Variants in WDR43 observed in about 807,000 individuals in gnomAD.
WDR43 encodes WD repeat domain 43.
Under a neutral mutation model 91.4 loss-of-function variants are expected in WDR43, and 13 were observed. The observed-to-expected ratio is 0.14, with a 90% CI of 0.09 to 0.23. The LOEUF is 0.23. WDR43 is among the 10% of genes least tolerant of loss of function. WDR43 has a pLI of 1.00. For synonymous variants in WDR43, 331 were observed against 287.9 expected, an observed-to-expected ratio of 1.15 and a Z score of -1.51; for missense variants, 780 against 809.4, an observed-to-expected ratio of 0.96 and a Z score of 0.44.
chr2:28,928,009 C>T (rs973154318), intron 10 of WDR43: 4 of 234,926 alleles, frequency 1.7e-5, no homozygotes, highest in African/African-American at 4.6e-5. Flanking sequence ...CATTGGGTTT[C>T]GCATGTTGCT....
intron 8 of WDR43, 53 bp from the exon 9 acceptor site, chr2:28,926,413 ACT>A (rs1023505021): frequency 1.7e-5 from 23 of 1,314,302 alleles, no homozygotes; most frequent in African/African-American, 1.7e-4. Flanking sequence ...TTTGTTTGAC[ACT>A]CTTTTTTTTT....
Position 28,929,437 on chromosome 2 carries a change from T to C in WDR43, c.1306-142T>C, listed in dbSNP as rs114020123. On this transcript the variant is annotated intron_variant, in intron 10 of 17. Transcript: ENST00000407426. ...CATTGGCATTATGGTAATGAGGTTC[T>C]CTTGGAATAAGAATGAGCATATTAG... 3.3e-3 allele frequency: 2,385 copies of C among 722,946 alleles called. 52 individuals are homozygous for C. The African/African-American group carries it at 0.039, about 12-fold the overall frequency. 44.8% of individuals were successfully genotyped at this position (722,946 alleles called of 1,614,324 possible).
At position 28,942,383 on chromosome 2, in the gene WDR43, T is replaced by TA. The variant is rs1558385168; in HGVS notation, c.1804+5dup. On this transcript the variant is annotated splice_region_variant and intron_variant, in intron 16 of 17. Coordinates refer to ENST00000407426, the MANE Select transcript of WDR43 (RefSeq NM_015131.3). ...AGGCAAAGTTGGTGTATGAAGAAGG[T>TA]AAAGACTGGGGGAATGGGATGGAGT... 5.6e-6 allele frequency: 9 copies of TA among 1,611,550 alleles called. No individual in the cohort carries two copies. The highest frequency in any genetic ancestry group is 1.3e-5 in the African/African-American group (1 of 75,032).
At chr2:28,900,398 G>A (rs1670556758) in intron 1 of WDR43, among the ~76,000 whole-genome samples, 1 of 152,098 alleles carries the variant, frequency 6.6e-6, no homozygotes, top group Non-Finnish European at 1.5e-5. Flanking sequence ...TGGCCAGGCT[G>A]GTCTTGAACT....
chr2:28,940,044 A>G (rs1279310941), intron 14 of WDR43, among the ~76,000 whole-genome samples: 1 of 145,260 alleles, frequency 6.9e-6, no homozygotes, highest in Non-Finnish European at 1.5e-5. Flanking sequence ...CCGGGGGGGC[A>G]GAGGTTGCAG....
intron 3 of WDR43, among the ~76,000 whole-genome samples, chr2:28,910,678 A>AATATATATATATATATATATATATAT (rs71403628): frequency 1.4e-5 from 2 of 142,644 alleles, no homozygotes; most frequent in East Asian, 2.1e-4. Context: ...TGTGTGTGTA[A>AATATATATATATATATATATATATAT]ATATATATAT....
chr2:28,935,739 A>C, intron 12 of WDR43, 132 bp downstream of exon 12: 1 of 340,916 alleles, frequency 2.9e-6, no homozygotes, highest in Non-Finnish European at 4.7e-6. Flanking sequence ...GGAGGAAAGT[A>C]CTTTAGACAA....
intron 9 of WDR43, chr2:28,927,297 A>G (rs998546139): frequency 3.8e-5 from 17 of 450,968 alleles, no homozygotes; most frequent in African/African-American, 3.2e-4. Context: ...TAGTGACACT[A>G]AATATTTAAT....
rs375522125 is a variant in WDR43, at chr2:28,894,834, A to C, written c.136A>C (p.Asn46His). 5 of 1,611,352 alleles carry C rather than the reference A, an allele frequency of 3.1e-6. No individual in the cohort carries two copies. Among genetic ancestry groups the C allele is most frequent in the Non-Finnish European group, 8.5e-7 (1 of 1,178,864 alleles). The stretch of plus-strand genomic sequence containing the variant: ...CTTACGAGTATGGGAGACGGCCAAC[A>C]ACCGGCTGCACCAGGAGTACGTGCC... ...GHLRVWETANNRLHQEYVPSA... is the reference protein window; with the variant it reads ...GHLRVWETANHRLHQEYVPSA... Residue 46 changes from asparagine to histidine, a missense_variant, in exon 1 of 18, where the codon AAC becomes CAC. Transcript: ENST00000407426.
intron 3 of WDR43, among the ~76,000 whole-genome samples, chr2:28,907,903 C>CA (rs71403627): frequency 0.27 from 39,252 of 146,374 alleles, 6,266 homozygotes; most frequent in East Asian, 0.78. Context: ...GACTCCGTCT[C>CA]AAAAAAAAAA....
At chr2:28,897,008 T>C (rs1572576604) in intron 1 of WDR43, among the ~76,000 whole-genome samples, 1 of 152,172 alleles carries the variant, frequency 6.6e-6, no homozygotes. Context: ...GGTAAATGAC[T>C]TGACTCAAGC....
intron 3 of WDR43, among the ~76,000 whole-genome samples, chr2:28,909,423 A>G (rs1670748282): frequency 6.6e-6 from 1 of 152,084 alleles, no homozygotes; most frequent in African/African-American, 2.4e-5. Flanking sequence ...GTGAGCTACC[A>G]TGCCTAGCCA....
intron 1 of WDR43, among the ~76,000 whole-genome samples, chr2:28,900,597 GA>G (rs1670560945): frequency 6.6e-6 from 1 of 152,142 alleles, no homozygotes; most frequent in African/African-American, 2.4e-5. Flanking sequence ...ACCTTATACA[GA>G]AATTATTTTT....
intron 14 of WDR43, among the ~76,000 whole-genome samples, chr2:28,940,035 C>T (rs1424122644): frequency 6.5e-5 from 9 of 139,520 alleles, no homozygotes; most frequent in Admixed American, 2.4e-4. Context: ...GGCGTGAACC[C>T]GGGGGGGCAG....
intron 3 of WDR43, among the ~76,000 whole-genome samples, chr2:28,909,051 C>T (rs1670739718): frequency 1.3e-5 from 2 of 152,144 alleles, no homozygotes; most frequent in Non-Finnish European, 2.9e-5. Flanking sequence ...TTTCTGGACA[C>T]ATCAGTCAGT....
chr2:28,941,427 G>A (rs753347858), intron 14 of WDR43, 34 bp from the exon 15 acceptor site: 14 of 1,535,090 alleles, frequency 9.1e-6, no homozygotes, highest in Admixed American at 3.5e-5. Flanking sequence ...TCTCTAATAC[G>A]TTAATAGTGC....
At chr2:28,903,291 A>T (rs144134754) in intron 2 of WDR43, among the ~76,000 whole-genome samples, 1 of 152,154 alleles carries the variant, frequency 6.6e-6, no homozygotes, top group Non-Finnish European at 1.5e-5. Flanking sequence ...TTTTTCTTAC[A>T]TGGATTCACA....
At chr2:28,940,438 C>T (rs1671414776) in intron 14 of WDR43, among the ~76,000 whole-genome samples, 1 of 152,218 alleles carries the variant, frequency 6.6e-6, no homozygotes, top group Non-Finnish European at 1.5e-5. Context: ...CCATGTTGGT[C>T]AGGCTGGTCT....
intron 15 of WDR43, among the ~76,000 whole-genome samples, chr2:28,941,828 C>T (rs1671442994): frequency 6.6e-6 from 1 of 152,096 alleles, no homozygotes; most frequent in Admixed American, 6.5e-5. Context: ...CTCCTAGGCT[C>T]AAGGGATCCT....
Sources: gnomAD v4.1 joint callset for allele counts (sites outside exome capture counted in the v4.1 genomes callset) on GRCh38, gnomAD v4.1.1 for gene constraint, MANE v1.5 for transcripts, NCBI Gene and HGNC (gene_info 2026-07-23, HGNC 2026-07-21) for gene names.